The following NEGR1 variants were observed in gnomAD, a reference collection of about 807,000 sequenced individuals.
NEGR1 encodes the protein neuronal growth regulator 1.
NEGR1 carries 10 observed loss-of-function variants against 40.9 expected under a neutral mutation model. The ratio of observed to expected loss-of-function variants is 0.24; its 90% CI spans 0.15 to 0.42. NEGR1 has a LOEUF of 0.42. Among genes scored for constraint, NEGR1 ranks in the 10% least tolerant of loss-of-function variants. The probability of loss-of-function intolerance (pLI) is 1.00; values close to 1 mark genes in which losing one functional copy is unlikely to be tolerated. For synonymous variants in NEGR1, 185 were observed against 166.8 expected, an observed-to-expected ratio of 1.11 and a Z score of -0.84; for missense variants, 352 against 438.9, an observed-to-expected ratio of 0.80 and a Z score of 1.77.
At chr1:71,796,101 C>T (rs1404023195) in intron 2 of NEGR1, among the ~76,000 whole-genome samples, 1 of 152,130 alleles carries the variant, frequency 6.6e-6, no homozygotes, top group African/African-American at 2.4e-5. Flanking sequence ...GTTCTATATT[C>T]TAATTTTTAA....
intron 6 of NEGR1, among the ~76,000 whole-genome samples, chr1:71,545,388 C>T (rs1157721204): frequency 1.3e-5 from 2 of 151,646 alleles, no homozygotes; most frequent in Non-Finnish European, 3.0e-5. Context: ...AAATGCTCTC[C>T]TGAACTTTCC....
intron 5 of NEGR1, among the ~76,000 whole-genome samples, chr1:71,610,577 G>A (rs2081849964): frequency 6.6e-6 from 1 of 152,116 alleles, no homozygotes; most frequent in Non-Finnish European, 1.5e-5. Context: ...ATAGTGTTCT[G>A]TAAAACAAAA....
chr1:71,611,140 G>A lies in NEGR1; in HGVS notation c.674C>T (p.Pro225Leu). The A allele has an allele frequency of 6.2e-7, 1 of 1,613,478 alleles. No homozygotes were observed. Among genetic ancestry groups the A allele is most frequent in the Non-Finnish European group, 8.5e-7 (1 of 1,179,772 alleles). Residue 225 changes from proline to leucine, a missense_variant, in exon 5 of 7, where the codon CCT (proline) becomes CTT (leucine). Pro to Leu is a moderately conservative substitution (Grantham distance 98, BLOSUM62 -3). This residue lies in a region of NEGR1 where 184 missense variants were observed against 208.7 expected (regional missense o/e 0.88). Transcript: ENST00000357731. ...GCCAGATTTAATTTCCTGAATAGTAGGAGCAACTGCAAAAGAAACAAACAA... is the reference window on the plus strand; with the variant it reads ...GCCAGATTTAATTTCCTGAATAGTAAGAGCAACTGCAAAAGAAACAAACAA... ...RKVKVVVNFA[P>L]TIQEIKSGTV...
At chr1:71,972,363 G>T (rs990146737) in intron 1 of NEGR1, among the ~76,000 whole-genome samples, 1 of 152,038 alleles carries the variant, frequency 6.6e-6, no homozygotes, top group African/African-American at 2.4e-5. Context: ...GGGATGGGGG[G>T]ACATAGGAGG....
intron 1 of NEGR1, among the ~76,000 whole-genome samples, chr1:72,224,462 A>G (rs757519886): frequency 7.9e-5 from 12 of 152,102 alleles, no homozygotes; most frequent in Non-Finnish European, 1.6e-4. Context: ...CATGCACAAG[A>G]CACACAAATG....
intron 1 of NEGR1, among the ~76,000 whole-genome samples, chr1:71,981,641 T>G (rs1362996178): frequency 6.6e-6 from 1 of 152,080 alleles, no homozygotes; most frequent in Non-Finnish European, 1.5e-5. Context: ...GTGATAGGCT[T>G]TACAAGGTTT....
At chr1:71,489,664 GCTTTTTTCTTTTTT>G (rs778434462) in intron 6 of NEGR1, 40 of 151,874 alleles carry the variant, frequency 2.6e-4, no homozygotes, top group Admixed American at 2.3e-3. Flanking sequence ...CTTAAACAGA[GCTTTTTTCTTTTTT>G]CTTTTTTCTT....
chr1:71,434,901 C>T (rs1198082684), intron 6 of NEGR1, among the ~76,000 whole-genome samples: 2 of 152,144 alleles, frequency 1.3e-5, no homozygotes, highest in African/African-American at 4.8e-5. Context: ...ACCATCCTGG[C>T]TAAAACGGTG....
At chr1:71,840,618 G>A (rs1354029795) in intron 2 of NEGR1, among the ~76,000 whole-genome samples, 2 of 152,192 alleles carry the variant, frequency 1.3e-5, no homozygotes, top group Non-Finnish European at 2.9e-5. Flanking sequence ...GATACTCAGA[G>A]TAATCAAAAC....
At chr1:71,757,304 A>G (rs1184473905) in intron 3 of NEGR1, among the ~76,000 whole-genome samples, 1 of 152,108 alleles carries the variant, frequency 6.6e-6, no homozygotes, top group Non-Finnish European at 1.5e-5. Context: ...TAAAATTTTT[A>G]AAACTTTAAC....
intron 1 of NEGR1, among the ~76,000 whole-genome samples, chr1:72,154,660 G>A (rs1027479982): frequency 7.2e-5 from 11 of 152,008 alleles, no homozygotes; most frequent in Admixed American, 2.0e-4. Context: ...TGCATTCAAA[G>A]TTTATAAAGC....
intron 3 of NEGR1, among the ~76,000 whole-genome samples, chr1:71,756,895 A>T (rs1655762576): frequency 6.6e-6 from 1 of 152,080 alleles, no homozygotes; most frequent in Non-Finnish European, 1.5e-5. Context: ...ACCCTCAAAA[A>T]CAAAATTGTT....
At chr1:71,506,997 G>A (rs1312713263) in intron 6 of NEGR1, among the ~76,000 whole-genome samples, 2 of 152,174 alleles carry the variant, frequency 1.3e-5, no homozygotes, top group Admixed American at 1.3e-4. Flanking sequence ...TGTGCCTATG[G>A]AGTGGTACAC....
chr1:71,867,878 A>T (rs1660163614), intron 2 of NEGR1, among the ~76,000 whole-genome samples: 1 of 152,156 alleles, frequency 6.6e-6, no homozygotes, highest in Non-Finnish European at 1.5e-5. Context: ...CACTGTTCAA[A>T]TTTAATTTTA....
chr1:71,704,167 A>T (rs1173332675), intron 3 of NEGR1, among the ~76,000 whole-genome samples: 2 of 102,320 alleles, frequency 2.0e-5, no homozygotes, highest in Middle Eastern at 4.2e-3. Flanking sequence ...TCTCTGTCAC[A>T]CACACACACA....
At chr1:71,414,429 A>T (rs1245687552) in intron 6 of NEGR1, among the ~76,000 whole-genome samples, 1 of 152,144 alleles carries the variant, frequency 6.6e-6, no homozygotes, top group Non-Finnish European at 1.5e-5. Context: ...AGATTAGGAG[A>T]GAAAAAGAGA....
intron 6 of NEGR1, among the ~76,000 whole-genome samples, chr1:71,446,811 T>G (rs966555629): frequency 7.9e-5 from 12 of 152,226 alleles, no homozygotes; most frequent in Admixed American, 6.5e-4. Flanking sequence ...TTCTAGTAAC[T>G]AGCCTCATCG....
intron 2 of NEGR1, among the ~76,000 whole-genome samples, chr1:71,796,146 G>A (rs184580420): frequency 1.8e-4 from 28 of 152,182 alleles, no homozygotes; most frequent in Admixed American, 1.4e-3. Context: ...CCAATCTCCT[G>A]ACCTCTCTAC....
chr1:72,141,472 TTTGGAAG>T (rs1293577438), intron 1 of NEGR1, among the ~76,000 whole-genome samples: 1 of 152,020 alleles, frequency 6.6e-6, no homozygotes, highest in African/African-American at 2.4e-5. Context: ...CTGAACTATA[TTTGGAAG>T]TTGGTTACTG....
Sources: gnomAD v4.1 joint callset for allele counts (sites outside exome capture counted in the v4.1 genomes callset) on GRCh38, gnomAD v4.1.1 for gene constraint, gnomAD v4.1.1 regional missense constraint, MANE v1.5 for transcripts, NCBI Gene and HGNC (gene_info 2026-07-23, HGNC 2026-07-21) for gene names.